Variants in KMT5A observed in about 807,000 individuals in gnomAD.
KMT5A encodes the protein N-lysine methyltransferase KMT5A.
KMT5A carries 6 observed loss-of-function variants against 40.6 expected under a neutral mutation model. The observed-to-expected ratio is 0.15, with a 90% CI of 0.08 to 0.29. KMT5A has a LOEUF of 0.29. KMT5A is among the 10% of genes least tolerant of loss of function. The pLI, the probability that KMT5A is intolerant of heterozygous loss-of-function variation, is 1.00. For synonymous variants in KMT5A, 153 were observed against 178.8 expected, an observed-to-expected ratio of 0.86 and a Z score of 1.15; for missense variants, 308 against 459.1, an observed-to-expected ratio of 0.67 and a Z score of 3.01.
At position 123,407,476 on chromosome 12, in the gene KMT5A, C is replaced by T; in HGVS notation, c.849-17C>T. The stretch of plus-strand genomic sequence containing the variant: ...TCTTTATCCATTTAATCCTCTCTGG[C>T]CCTCCTTCCCCTCCAGCGTGGATGC... On this transcript the variant is annotated splice_polypyrimidine_tract_variant and intron_variant, in intron 7 of 7. Coordinates refer to ENST00000402868, the MANE Select transcript of KMT5A (RefSeq NM_020382.7). 1 of 1,612,894 alleles carries T rather than the reference C, an allele frequency of 6.2e-7. No individual in the cohort carries two copies. Among genetic ancestry groups the T allele is most frequent in the Non-Finnish European group, 8.5e-7 (1 of 1,179,028 alleles).
At chr12:123,389,183 GTGGGTGTGT>G (rs1360835260) in intron 1 of KMT5A, 21 of 131,882 alleles carry the variant, frequency 1.6e-4, no homozygotes, top group Non-Finnish European at 3.0e-4. Context: ...CGGGCTGCAG[GTGGGTGTGT>G]CGGGCCCGGC....
intron 7 of KMT5A, among the ~76,000 whole-genome samples, chr12:123,407,046 T>G: frequency 7.1e-6 from 1 of 141,518 alleles, no homozygotes; most frequent in South Asian, 2.3e-4. Flanking sequence ...AAAAAAAGCT[T>G]TGCAAATTGA....
Position 123,384,410 on chromosome 12 carries a change from T to G in KMT5A, c.10+202T>G, listed in dbSNP as rs1184899657. Among the ~76,000 whole-genome samples the G allele has an allele frequency of 2.6e-5, 4 of 152,158 alleles. No individual in the cohort carries two copies. Among genetic ancestry groups the G allele is most frequent in the African/African-American group, 9.6e-5 (4 of 41,462 alleles). ...CGGCTCCAGATGCCCCCAGAAACCC[T>G]TCCCACTGCCGTGCTTCTGTTTCCC... On this transcript the variant is annotated intron_variant, in intron 1 of 7. Transcript: ENST00000402868. The surrounding 1 kb of genome is among the most constrained non-coding windows in gnomAD (Gnocchi z 5.7).
chr12:123,408,566 C>CTTTTT lies in KMT5A; in HGVS notation c.*879_*883dup, dbSNP rs57847836. On this transcript the variant is annotated 3_prime_UTR_variant, in exon 8 of 8. Transcript: ENST00000402868. ...GGTCTTGAAGTGAGTGAAGTGGCTG[C>CTTTTT]TTTTTTTTTTTTTTTTTTTTGCTTT... The CTTTTT allele has an allele frequency of 3.3e-5, 3 of 91,880 alleles. No individual in the cohort carries two copies. Among genetic ancestry groups the CTTTTT allele is most frequent in the East Asian group, 3.6e-4 (1 of 2,768 alleles). 5.7% of individuals were successfully genotyped at this position (91,880 alleles called of 1,614,324 possible). A position where few individuals can be genotyped will look rare whatever the true frequency, so the allele number is the denominator to read the frequency against.
chr12:123,404,857 C>T (rs372154963), intron 6 of KMT5A, 27 bp from the exon 7 acceptor site: 4 of 1,598,884 alleles, frequency 2.5e-6, no homozygotes, highest in Non-Finnish European at 3.4e-6. Flanking sequence ...CTATTATGAA[C>T]CAACACCCTC....
chr12:123,394,863 C>T (rs1007016648), intron 3 of KMT5A, among the ~76,000 whole-genome samples, 184 bp from the exon 4 acceptor site: 2 of 152,136 alleles, frequency 1.3e-5, no homozygotes, highest in African/African-American at 2.4e-5. Flanking sequence ...AAAAATCGAG[C>T]TGGAGCTAGG....
At chr12:123,394,908 G>T in intron 3 of KMT5A, 139 bp from the exon 4 acceptor site, 2 of 742,658 alleles carry the variant, frequency 2.7e-6, no homozygotes, top group Non-Finnish European at 2.2e-6. Flanking sequence ...CGGACACGGG[G>T]CTTAACAGGC....
At chr12:123,392,143 C>T (rs777777247) in intron 3 of KMT5A, among the ~76,000 whole-genome samples, 1 of 152,148 alleles carries the variant, frequency 6.6e-6, no homozygotes, top group Non-Finnish European at 1.5e-5. Context: ...GTGGTGGACT[C>T]CATGTGCCAG....
At chr12:123,405,510 C>T (rs1878471041) in intron 7 of KMT5A, among the ~76,000 whole-genome samples, 1 of 130,668 alleles carries the variant, frequency 7.7e-6, no homozygotes, top group Non-Finnish European at 1.6e-5. Context: ...CAATTATCGC[C>T]TGCTTCCTTT....
In KMT5A at chr12:123,407,802, G is replaced by A; in HGVS notation, c.*99G>A. 3 of 728,374 alleles carry A rather than the reference G, an allele frequency of 4.1e-6. No homozygotes were observed. Among genetic ancestry groups the A allele is most frequent in the Non-Finnish European group, 6.9e-6 (3 of 431,808 alleles). The allele number at this position is 728,374 out of a possible 1,614,324, so 45.1% of individuals were successfully genotyped here. The stretch of plus-strand genomic sequence containing the variant: ...TTTTTTTTTTACACACTTAATCTTA[G>A]CGGATTACTTCAGATGTTTTTAAAA... On this transcript the variant is annotated 3_prime_UTR_variant, in exon 8 of 8. Transcript: ENST00000402868.
chr12:123,402,120 G>A (rs991344446), intron 5 of KMT5A, among the ~76,000 whole-genome samples: 2 of 152,172 alleles, frequency 1.3e-5, no homozygotes, highest in South Asian at 2.1e-4. Context: ...GTCCTTAAGC[G>A]ATCCTTCCTC....
chr12:123,405,731 G>C (rs1331304680), intron 7 of KMT5A, among the ~76,000 whole-genome samples: 1 of 151,166 alleles, frequency 6.6e-6, no homozygotes, highest in Middle Eastern at 3.2e-3. Flanking sequence ...ATGTTGGCCA[G>C]GCTGGTCTGA....
chr12:123,396,089 T>A (rs1435070538), intron 4 of KMT5A, among the ~76,000 whole-genome samples: 1 of 151,286 alleles, frequency 6.6e-6, no homozygotes, highest in Non-Finnish European at 1.5e-5. Flanking sequence ...CAAGTGATCC[T>A]CCCGCCTCAG....
chr12:123,403,629 G>A lies in KMT5A; in HGVS notation c.654G>A (p.Met218Ile). 1 of 1,614,240 alleles carries A rather than the reference G, an allele frequency of 6.2e-7. No individual in the cohort carries two copies. Among genetic ancestry groups the A allele is most frequent in the African/African-American group, 1.3e-5 (1 of 75,080 alleles). ...ELIESGKEEG[M>I]KIDLIDGKGR... Reference sequence around the variant, plus strand: ...TTGAAAGTGGGAAGGAAGAAGGAATGAAGGTAAGGGGCTGCTGTGCTTGCT... The same window carrying A: ...TTGAAAGTGGGAAGGAAGAAGGAATAAAGGTAAGGGGCTGCTGTGCTTGCT... Residue 218 changes from methionine to isoleucine, a missense_variant, in exon 6 of 8, where the codon ATG (methionine) becomes ATA (isoleucine). Physicochemically the swap from Met to Ile is conservative, Grantham distance 10 (BLOSUM62 1). Around this residue, in one of 4 missense-constraint regions of KMT5A, gnomAD observed 77 missense variants for 220.0 expected, o/e 0.35. Transcript: ENST00000402868.
intron 7 of KMT5A, among the ~76,000 whole-genome samples, chr12:123,406,079 A>G (rs1878527701): frequency 6.6e-6 from 1 of 151,818 alleles, no homozygotes; most frequent in Non-Finnish European, 1.5e-5. Context: ...TTGGCCTCCC[A>G]AAGTGCTGGG....
chr12:123,401,144 CTT>C (rs58431238), intron 5 of KMT5A, among the ~76,000 whole-genome samples: 30 of 75,670 alleles, frequency 4.0e-4, no homozygotes, highest in Middle Eastern at 0.019. Context: ...ATATATCTTT[CTT>C]TTTTTTTTTT....
intron 5 of KMT5A, among the ~76,000 whole-genome samples, chr12:123,399,497 C>T (rs984524493): frequency 7.2e-5 from 11 of 152,210 alleles, no homozygotes; most frequent in Non-Finnish European, 1.6e-4. Context: ...TCCACTACCC[C>T]GGTCTTTCCA....
intron 3 of KMT5A, among the ~76,000 whole-genome samples, chr12:123,393,025 C>T (rs1007203068): frequency 2.6e-5 from 4 of 151,934 alleles, no homozygotes; most frequent in Non-Finnish European, 5.9e-5. Flanking sequence ...TACAGGTGCC[C>T]GCCACCACGC....
intron 5 of KMT5A, among the ~76,000 whole-genome samples, chr12:123,402,051 T>C (rs1878221843): frequency 6.6e-6 from 1 of 152,090 alleles, no homozygotes; most frequent in African/African-American, 2.4e-5. Context: ...ACACCTAGCT[T>C]ATTTATTTTT....
Sources: allele counts gnomAD v4.1 joint callset (sites outside exome capture counted in the v4.1 genomes callset), GRCh38; gene constraint gnomAD v4.1.1; regional missense constraint gnomAD v4.1.1; non-coding constraint Gnocchi (gnomAD v3.1); transcripts MANE v1.5; gene names NCBI Gene and HGNC (gene_info 2026-07-23, HGNC 2026-07-21).